PLCD3: variants seen among roughly 807,000 people sequenced by gnomAD.
The protein encoded by PLCD3 is 1-phosphatidylinositol 4,5-bisphosphate phosphodiesterase delta-3.
In PLCD3, 62 loss-of-function variants were observed where a neutral mutation model predicts 82.8. The ratio of observed to expected loss-of-function variants is 0.75; its 90% CI spans 0.61 to 0.93. The LOEUF is 0.93. Among genes scored for constraint, PLCD3 ranks in the 40% least tolerant of loss-of-function variants. The pLI, the probability that PLCD3 is intolerant of heterozygous loss-of-function variation, is 0.00. For synonymous variants in PLCD3, 478 were observed against 471.8 expected (o/e 1.01, Z -0.17); for missense variants, 1,023 against 1,103.4 (o/e 0.93, Z 1.03).
Position 45,121,122 on chromosome 17 carries a change from GC to G in PLCD3, c.333del (p.Gln112SerfsTer56). On this transcript the variant is annotated frameshift_variant, in exon 3 of 15. Coordinates refer to ENST00000619929, the MANE Select transcript of PLCD3 (RefSeq NM_133373.5). LOFTEE classifies it high-confidence loss of function. ...CCCTCGCGGACCGCCTCGATGTGCT[GC>G]ACGAAGACTGAGAGGAGGGCCGGGT... is the stretch of plus-strand genomic sequence containing the variant. ...PRAPSQHIFF[V>X]QHIEAVREGH... 6.6e-7 allele frequency: 1 copy of G among 1,524,812 alleles called. No homozygotes were observed. Among genetic ancestry groups the G allele is most frequent in the Non-Finnish European group, 8.7e-7 (1 of 1,143,014 alleles). 94.5% of individuals were successfully genotyped at this position (1,524,812 alleles called of 1,614,324 possible).
chr17:45,131,327 C>T (rs764886760), intron 1 of PLCD3, among the ~76,000 whole-genome samples: 4 of 152,216 alleles, frequency 2.6e-5, no homozygotes, highest in Non-Finnish European at 5.9e-5. Flanking sequence ...GACTATTCTA[C>T]CAATGGCAGG....
Position 45,112,203 on chromosome 17 carries a change from G to A in PLCD3, c.*413C>T, listed in dbSNP as rs2054248265. The stretch of plus-strand genomic sequence containing the variant: ...CTTAGGGGCTAAGCTCGGGGTCGGG[G>A]CCAAGTGGAGTGACTGCGCTCCTCT... On this transcript the variant is annotated 3_prime_UTR_variant, in exon 15 of 15. Coordinates refer to ENST00000619929, the MANE Select transcript of PLCD3 (RefSeq NM_133373.5). 4.9e-6 allele frequency: 1 copy of A among 203,302 alleles called. No homozygotes were observed. 12.6% of individuals were successfully genotyped at this position (203,302 alleles called of 1,614,324 possible).
chr17:45,132,379 C>T lies in PLCD3; in HGVS notation c.32G>A (p.Arg11His). 8.1e-7 allele frequency: 1 copy of T among 1,227,242 alleles called. No individual in the cohort carries two copies. Among genetic ancestry groups the T allele is most frequent in the Non-Finnish European group, 1.0e-6 (1 of 984,996 alleles). The allele number at this position is 1,227,242 out of a possible 1,614,324, so 76.0% of individuals were successfully genotyped here. The change falls in exon 1 of 15, where the codon CGC becomes CAC. Residue 11 changes from arginine to histidine, a missense_variant. Arg to His is a conservative substitution (Grantham distance 29, BLOSUM62 0). Around this residue, in one of 3 missense-constraint regions of PLCD3, gnomAD observed 22 missense variants for 41.3 expected, o/e 0.53. Coordinates refer to ENST00000619929, the MANE Select transcript of PLCD3 (RefSeq NM_133373.5). The surrounding 1 kb of genome is among the most constrained non-coding windows in gnomAD (Gnocchi z 4.6). ...GGCCACCGGGGGCTCCTCGGGCGGG[C>T]GGCGGCAACGCCTCCAGCGGCCGCA... Reference protein sequence around the residue: MLCGRWRRCRRPPEEPPVAAQ... With the variant: MLCGRWRRCRHPPEEPPVAAQ...
chr17:45,124,643 G>A (rs975894987), intron 1 of PLCD3, among the ~76,000 whole-genome samples: 3 of 152,242 alleles, frequency 2.0e-5, no homozygotes, highest in African/African-American at 7.2e-5. Flanking sequence ...TGCGAGGACC[G>A]TGGCTCTCCA....
At chr17:45,114,754 C>G (rs913011503) in intron 10 of PLCD3, among the ~76,000 whole-genome samples, 8 of 152,114 alleles carry the variant, frequency 5.3e-5, no homozygotes, top group African/African-American at 1.7e-4. Flanking sequence ...TCCTAGTCCT[C>G]CAGGTGATGT....
Position 45,116,622 on chromosome 17 carries a change from G to C in PLCD3, c.1413+10C>G, listed in dbSNP as rs779683329. The C allele has an allele frequency of 6.4e-6, 10 of 1,566,664 alleles. No homozygotes were observed. In the Admixed American group the frequency reaches 1.4e-4, roughly 22 times the overall value. On this transcript the variant is annotated intron_variant, in intron 8 of 14. Transcript: ENST00000619929. ...TCCCTCCACCCAGGCTAGGGGCTGG[G>C]GGGCGTCACCTCTGGGGATGGCAGC... is the stretch of plus-strand genomic sequence containing the variant.
chr17:45,115,539 T>A, intron 8 of PLCD3, 49 bp from the exon 9 acceptor site: 1 of 1,514,618 alleles, frequency 6.6e-7, no homozygotes. Flanking sequence ...CTCGCCCCTG[T>A]GGCAGCCAGT....
intron 7 of PLCD3, among the ~76,000 whole-genome samples, chr17:45,117,600 C>G (rs1354134175): frequency 6.6e-6 from 1 of 152,166 alleles, no homozygotes; most frequent in East Asian, 1.9e-4. Context: ...AAACTCTCCT[C>G]CCATCATTTG....
At chr17:45,114,128 TTAAAAA>T (rs1433179083) in intron 11 of PLCD3, 116 bp downstream of exon 11, 4 of 742,906 alleles carry the variant, frequency 5.4e-6, no homozygotes, top group Non-Finnish European at 6.3e-6. Context: ...GCTGGCAACT[TTAAAAA>T]TAATCAACAA....
rs190176891 is a variant in PLCD3, at chr17:45,112,888, T to G, written c.2256A>C (p.Thr752=). The G allele has an allele frequency of 5.0e-6, 8 of 1,612,418 alleles. No individual in the cohort carries two copies. The highest frequency in any genetic ancestry group is 3.3e-4 in the Middle Eastern group (2 of 6,084). ...CTTGCTTTAGGCTGCTAAGAGGCAGTGTAAACTGGCCCACAAAGTCATTGG... is the reference window on the plus strand; with the variant it reads ...CTTGCTTTAGGCTGCTAAGAGGCAGGGTAAACTGGCCCACAAAGTCATTGG... ...TSPNDFVGQF[T]LPLSSLKQGY... The change falls in exon 14 of 15, where the codon ACA becomes ACC. Residue 752 remains threonine (T), a synonymous_variant. Transcript: ENST00000619929.
At chr17:45,116,598 C>T (rs528088518) in intron 8 of PLCD3, 34 bp downstream of exon 8, 16 of 1,523,614 alleles carry the variant, frequency 1.1e-5, no homozygotes, top group Non-Finnish European at 1.1e-5. Flanking sequence ...CACCAGACCT[C>T]CCTCCACCCA....
At position 45,119,037 on chromosome 17, in the gene PLCD3, C is replaced by A; in HGVS notation, c.691G>T (p.Asp231Tyr). ...MYAYLLFKEC[D>Y]HSNNDRLEGA... is the part of the protein sequence containing the mutation. ...TCTAGACGGTCGTTGTTGGAGTGGT[C>A]ACACTCCTGGGGAGCAGCAGGAGAA... Residue 231 changes from aspartate (D) to tyrosine (Y), a missense_variant, in exon 5 of 15, where the codon GAC (aspartate) becomes TAC (tyrosine). Around this residue, in one of 3 missense-constraint regions of PLCD3, gnomAD observed 448 missense variants for 406.3 expected, o/e 1.10. Transcript: ENST00000619929. 2 of 1,606,160 alleles carry A rather than the reference C, an allele frequency of 1.2e-6. No individual in the cohort carries two copies. The highest frequency in any genetic ancestry group is 2.2e-5 in the South Asian group (2 of 90,084).
intron 8 of PLCD3, 139 bp from the exon 9 acceptor site, chr17:45,115,629 G>A: frequency 1.4e-6 from 1 of 728,930 alleles, no homozygotes; most frequent in South Asian, 1.8e-5. Context: ...GATGAGCGAT[G>A]TTTCTAATAG....
rs1302743348 is a variant in PLCD3, at chr17:45,118,422, C to T, written c.984G>A (p.Leu328=). 2 of 1,614,002 alleles carry T rather than the reference C, an allele frequency of 1.2e-6. No individual in the cohort carries two copies. Among genetic ancestry groups the T allele is most frequent in the Non-Finnish European group, 1.7e-6 (2 of 1,179,884 alleles). ...GGAACACACACGTGTGGGTGTTGTCCAAGGCAGCCCCCTCCGGCGACAACA... is the reference window on the plus strand; with the variant it reads ...GGAACACACACGTGTGGGTGTTGTCTAAGGCAGCCCCCTCCGGCGACAACA... ...MYLLSPEGAA[L]DNTHTCVFQD... Residue 328 remains leucine, a synonymous_variant, in exon 6 of 15, where the codon TTG becomes TTA. Coordinates refer to ENST00000619929, the MANE Select transcript of PLCD3 (RefSeq NM_133373.5). This position sits in a 1 kb window ranked among gnomAD's most constrained non-coding sequence, Gnocchi z 4.1.
chr17:45,118,824 T>A lies in PLCD3; in HGVS notation c.904A>T (p.Asn302Tyr). The stretch of plus-strand genomic sequence containing the variant: ...GTGCCACCCCCCCCACCTGTCTCGT[T>A]GAGCTCATAGGTCTGAATGAGCTGC... ...AQQLIQTYEL[N>Y]ETAKQHELMT... is the part of the protein sequence containing the mutation. Residue 302 changes from asparagine (N) to tyrosine (Y), a missense_variant, in exon 5 of 15, where the codon AAC becomes TAC. By Grantham distance (143) the Asn-to-Tyr change is moderately radical. Around this residue, in one of 3 missense-constraint regions of PLCD3, gnomAD observed 448 missense variants for 406.3 expected, o/e 1.10. Transcript: ENST00000619929. This position sits in a 1 kb window ranked among gnomAD's most constrained non-coding sequence, Gnocchi z 4.1. 6.2e-7 allele frequency: 1 copy of A among 1,603,896 alleles called. No individual in the cohort carries two copies. The highest frequency in any genetic ancestry group is 8.5e-7 in the Non-Finnish European group (1 of 1,173,784).
rs1278036509 is a variant in PLCD3 at position 45,110,160 on chromosome 17, T to C, written c.*2456A>G. 1 of 150,614 alleles carries C rather than the reference T, an allele frequency of 6.6e-6. No individual in the cohort carries two copies. Among genetic ancestry groups the C allele is most frequent in the Non-Finnish European group, 1.5e-5 (1 of 67,690 alleles). The allele number at this position is 150,614 out of a possible 1,614,324, so 9.3% of individuals were successfully genotyped here. ...CACTTCCTTAAAGACTCTTGCCCTT[T>C]TGGCTGGGTGCAGTGGCTCACGCCT... On this transcript the variant is annotated 3_prime_UTR_variant, in exon 15 of 15. Coordinates refer to ENST00000619929, the MANE Select transcript of PLCD3 (RefSeq NM_133373.5).
At chr17:45,128,843 C>G (rs1249557798) in intron 1 of PLCD3, among the ~76,000 whole-genome samples, 1 of 152,236 alleles carries the variant, frequency 6.6e-6, no homozygotes, top group East Asian at 1.9e-4. Context: ...TTTTATTTGG[C>G]AGCCCTGTGA....
intron 1 of PLCD3, among the ~76,000 whole-genome samples, chr17:45,131,827 C>G (rs1035515500): frequency 2.6e-5 from 4 of 152,332 alleles, no homozygotes; most frequent in Admixed American, 1.3e-4. Flanking sequence ...GGAGGCCAGC[C>G]TCTTCTGCGG....
chr17:45,117,892 C>A (rs1344310585), intron 7 of PLCD3, 102 bp downstream of exon 7: 2 of 1,457,522 alleles, frequency 1.4e-6, no homozygotes, highest in East Asian at 2.4e-5. Context: ...ATTCTCTGGG[C>A]AAGGGTTTCC....
Sources: allele counts gnomAD v4.1 joint callset (sites outside exome capture counted in the v4.1 genomes callset), GRCh38; gene constraint gnomAD v4.1.1; regional missense constraint gnomAD v4.1.1; non-coding constraint Gnocchi (gnomAD v3.1); transcripts MANE v1.5; gene names NCBI Gene and HGNC (gene_info 2026-07-23, HGNC 2026-07-21).